FBXW7: variants seen among roughly 807,000 people sequenced by gnomAD.
FBXW7 encodes the protein F-box/WD repeat-containing protein 7.
In FBXW7, 11 loss-of-function variants were observed where a neutral mutation model predicts 86.3. The ratio of observed to expected loss-of-function variants is 0.13; its 90% CI spans 0.08 to 0.21. The LOEUF (loss-of-function observed/expected upper bound fraction) is 0.21. Ranked by LOEUF, FBXW7 falls within the 10% of genes least tolerant of loss-of-function variation. FBXW7 has a pLI of 1.00. For missense variants in FBXW7, 488 were observed against 847.4 expected (o/e 0.58, Z 5.27); for synonymous variants, 313 against 297.9 (o/e 1.05, Z -0.52).
chr4:152,465,869 A>G (rs376838563), intron 2 of FBXW7, among the ~76,000 whole-genome samples: 4 of 151,794 alleles, frequency 2.6e-5, no homozygotes, highest in Admixed American at 6.6e-5. Context: ...AAAGAGAACA[A>G]TATTACCCAT....
At chr4:152,449,520 CCTG>C (rs1392565529) in intron 2 of FBXW7, among the ~76,000 whole-genome samples, 1 of 152,122 alleles carries the variant, frequency 6.6e-6, no homozygotes, top group Non-Finnish European at 1.5e-5. Flanking sequence ...CAAGGAGGCT[CCTG>C]CTATCATAAA....
intron 2 of FBXW7, among the ~76,000 whole-genome samples, chr4:152,492,948 G>C (rs1745998158): frequency 1.3e-5 from 2 of 151,816 alleles, no homozygotes; most frequent in Admixed American, 1.3e-4. Context: ...TGGAACAACA[G>C]GTATGCAGTT....
chr4:152,325,909 G>T, intron 12 of FBXW7, 97 bp downstream of exon 12: 1 of 905,778 alleles, frequency 1.1e-6, no homozygotes, highest in Non-Finnish European at 1.7e-6. Context: ...AATCTTTTTT[G>T]GACTGTACTG....
At chr4:152,378,344 A>AT (rs1355714660) in intron 4 of FBXW7, among the ~76,000 whole-genome samples, 4 of 152,210 alleles carry the variant, frequency 2.6e-5, no homozygotes, top group Non-Finnish European at 5.9e-5. Context: ...CGTCAGTTGT[A>AT]TATTTCACTA....
chr4:152,370,675 A>G (rs1187415180), intron 4 of FBXW7, among the ~76,000 whole-genome samples: 2 of 151,980 alleles, frequency 1.3e-5, no homozygotes, highest in Non-Finnish European at 2.9e-5. Flanking sequence ...TCTCTCAAAG[A>G]AAAACAAATA....
At chr4:152,355,596 C>T (rs1381786004) in intron 4 of FBXW7, among the ~76,000 whole-genome samples, 2 of 152,102 alleles carry the variant, frequency 1.3e-5, no homozygotes, top group Admixed American at 6.6e-5. Flanking sequence ...GCACTCATTT[C>T]TCCCATTCTA....
intron 2 of FBXW7, among the ~76,000 whole-genome samples, chr4:152,417,415 G>A (rs1310990772): frequency 1.3e-5 from 2 of 152,078 alleles, no homozygotes; most frequent in Non-Finnish European, 2.9e-5. Context: ...AAAGCTATTA[G>A]ATGGAGCCAA....
At chr4:152,501,768 CTCTT>C (rs1553997316) in intron 2 of FBXW7, among the ~76,000 whole-genome samples, 3 of 151,982 alleles carry the variant, frequency 2.0e-5, no homozygotes, top group Non-Finnish European at 4.4e-5. Context: ...CAAAATTACT[CTCTT>C]TTTTTGGTTT....
intron 2 of FBXW7, among the ~76,000 whole-genome samples, chr4:152,523,881 T>G (rs777730827): frequency 6.6e-6 from 1 of 152,332 alleles, no homozygotes; most frequent in South Asian, 2.1e-4. Context: ...ATTTTTGTTT[T>G]GCTTATTTAG....
At chr4:152,421,157 A>G (rs773819646) in intron 2 of FBXW7, among the ~76,000 whole-genome samples, 1 of 152,094 alleles carries the variant, frequency 6.6e-6, no homozygotes, top group Non-Finnish European at 1.5e-5. Context: ...TTATCGAGAC[A>G]GCTTATTTCC....
intron 4 of FBXW7, among the ~76,000 whole-genome samples, chr4:152,398,879 A>G (rs181841753): frequency 3.7e-4 from 56 of 152,270 alleles, no homozygotes; most frequent in Admixed American, 2.4e-3. Context: ...TAAAATTGTA[A>G]CCACTGGCCA....
At chr4:152,394,924 T>C (rs190648554) in intron 4 of FBXW7, among the ~76,000 whole-genome samples, 258 of 152,232 alleles carry the variant, frequency 1.7e-3, no homozygotes, top group African/African-American at 5.3e-3. Context: ...ACTGTACCAC[T>C]ATTCATGAGA....
chr4:152,351,260 A>G (rs1731785158), intron 4 of FBXW7, among the ~76,000 whole-genome samples: 1 of 152,128 alleles, frequency 6.6e-6, no homozygotes, highest in African/African-American at 2.4e-5. Flanking sequence ...AATGTTTTAG[A>G]GCCACACTGA....
intron 4 of FBXW7, among the ~76,000 whole-genome samples, chr4:152,401,389 A>G (rs1736911141): frequency 6.6e-6 from 1 of 152,228 alleles, no homozygotes; most frequent in Non-Finnish European, 1.5e-5. Flanking sequence ...CTATAAATAT[A>G]CATGAAGGAA....
intron 2 of FBXW7, among the ~76,000 whole-genome samples, chr4:152,439,865 C>CAAAA (rs35657415): frequency 1.8e-5 from 1 of 57,142 alleles, no homozygotes; most frequent in African/African-American, 5.9e-5. Context: ...GACTCCGTCA[C>CAAAA]AAAAAAAAAA....
At chr4:152,377,503 G>GC (rs1734655650) in intron 4 of FBXW7, among the ~76,000 whole-genome samples, 1 of 151,720 alleles carries the variant, frequency 6.6e-6, no homozygotes, top group African/African-American at 2.4e-5. Flanking sequence ...TGTAATCCCA[G>GC]CCCTCTGGGA....
chr4:152,328,255 T>C lies in FBXW7; in HGVS notation c.1371A>G (p.Leu457=), dbSNP rs1433184454. 2 of 1,600,616 alleles carry C rather than the reference T, an allele frequency of 1.2e-6. No individual in the cohort carries two copies. Among genetic ancestry groups the C allele is most frequent in the Admixed American group, 1.7e-5 (1 of 57,566 alleles). The part of the protein sequence containing the change: ...NAETGECIHT[L]YGHTSTVRCM... Reference sequence around the variant, plus strand: ...AACGCACAGTGGAAGTATGCCCATATAAGGTGTGTATACATTCTCCAGTCT... The same window carrying C: ...AACGCACAGTGGAAGTATGCCCATACAAGGTGTGTATACATTCTCCAGTCT... The change falls in exon 11 of 14, where the codon TTA becomes TTG. Residue 457 remains leucine, a synonymous_variant. Transcript: ENST00000281708.
intron 2 of FBXW7, among the ~76,000 whole-genome samples, chr4:152,426,623 A>G (rs573260924): frequency 1.4e-4 from 21 of 152,304 alleles, no homozygotes; most frequent in African/African-American, 5.1e-4. Flanking sequence ...GAAGCAACAG[A>G]GATCAGACCT....
intron 2 of FBXW7, among the ~76,000 whole-genome samples, chr4:152,444,025 T>C (rs1227809827): frequency 7.0e-6 from 1 of 142,704 alleles, no homozygotes. Context: ...TACAAAGCGT[T>C]CTCTACAAAC....
Sources: allele counts gnomAD v4.1 joint callset (sites outside exome capture counted in the v4.1 genomes callset), GRCh38; gene constraint gnomAD v4.1.1; transcripts MANE v1.5; gene names NCBI Gene and HGNC (gene_info 2026-07-23, HGNC 2026-07-21).